Variants in TIMD4 observed in about 807,000 individuals in gnomAD.
The protein encoded by TIMD4 is T-cell immunoglobulin and mucin domain-containing protein 4.
Under a neutral mutation model 41.2 loss-of-function variants are expected in TIMD4, and 31 were observed. The observed-to-expected ratio is 0.75, with a 90% CI of 0.57 to 1.01. The LOEUF (loss-of-function observed/expected upper bound fraction) is 1.01. Ranked by LOEUF, TIMD4 falls within the 50% of genes least tolerant of loss-of-function variation. The pLI is 0.00. For synonymous variants in TIMD4, 204 were observed against 177.1 expected, an observed-to-expected ratio of 1.15 and a Z score of -1.21; for missense variants, 479 against 472.5, an observed-to-expected ratio of 1.01 and a Z score of -0.13.
chr5:156,925,946 C>T (rs951688638), intron 6 of TIMD4, among the ~76,000 whole-genome samples: 1 of 152,236 alleles, frequency 6.6e-6, no homozygotes, highest in African/African-American at 2.4e-5. Context: ...ACTCTGCCAC[C>T]AGGCTGGAGT....
chr5:156,952,886 C>T (rs1229071287), intron 2 of TIMD4, among the ~76,000 whole-genome samples: 3 of 152,224 alleles, frequency 2.0e-5, no homozygotes, highest in Non-Finnish European at 4.4e-5. Context: ...TAAATCAGTG[C>T]ATCAAAAGTG....
At chr5:156,925,219 A>C (rs1227262234) in intron 6 of TIMD4, among the ~76,000 whole-genome samples, 1 of 152,196 alleles carries the variant, frequency 6.6e-6, no homozygotes, top group Non-Finnish European at 1.5e-5. Flanking sequence ...CTGAGGCAGG[A>C]GAATCGCTTG....
intron 1 of TIMD4, 68 bp from the exon 2 acceptor site, chr5:156,954,824 T>C: frequency 7.5e-7 from 1 of 1,324,952 alleles, no homozygotes. Context: ...ACACAGTTTT[T>C]GTGCTAATAG....
At chr5:156,926,119 A>G (rs566589561) in intron 6 of TIMD4, 144 bp downstream of exon 6, 1 of 735,052 alleles carries the variant, frequency 1.4e-6, no homozygotes, top group Non-Finnish European at 2.2e-6. Flanking sequence ...GGCCAGGGTG[A>G]TCTCAAATTT....
At chr5:156,930,231 G>A (rs771247757) in intron 5 of TIMD4, among the ~76,000 whole-genome samples, 1 of 152,144 alleles carries the variant, frequency 6.6e-6, no homozygotes, top group Non-Finnish European at 1.5e-5. Context: ...AAAGTGCTGG[G>A]ATAACAGGCA....
chr5:156,920,528 A>G (rs765686516), intron 7 of TIMD4, 25 bp from the exon 8 acceptor site: 12 of 1,613,300 alleles, frequency 7.4e-6, no homozygotes, highest in Non-Finnish European at 1.0e-5. Context: ...CCACAGTGTG[A>G]GCAGAGTGGC....
At chr5:156,963,027 T>G (rs1032544720) in intron 1 of TIMD4, 114 bp downstream of exon 1, 2 of 1,007,486 alleles carry the variant, frequency 2.0e-6, no homozygotes, top group Admixed American at 3.6e-5. Flanking sequence ...AGGGGAGGGA[T>G]GCAGAAATGA....
intron 6 of TIMD4, among the ~76,000 whole-genome samples, chr5:156,923,703 T>A (rs1003000366): frequency 2.1e-5 from 3 of 141,074 alleles, no homozygotes; most frequent in Non-Finnish European, 4.8e-5. Flanking sequence ...GATGCCTGGC[T>A]ATTTTTTTTT....
At chr5:156,954,368 C>A (rs1307709455) in intron 2 of TIMD4, 47 bp downstream of exon 2, 3 of 1,553,560 alleles carry the variant, frequency 1.9e-6, no homozygotes, top group Non-Finnish European at 1.8e-6. Context: ...TGTCCATTAA[C>A]CACTGAATCT....
intron 1 of TIMD4, among the ~76,000 whole-genome samples, chr5:156,959,165 C>T (rs13167176): frequency 0.028 from 4,274 of 152,198 alleles, 95 homozygotes; most frequent in Non-Finnish European, 0.041. Flanking sequence ...AGGAGTGTTT[C>T]GTGTCACTCA....
intron 5 of TIMD4, among the ~76,000 whole-genome samples, chr5:156,929,072 A>C (rs1490363223): frequency 6.6e-6 from 1 of 152,224 alleles, no homozygotes; most frequent in African/African-American, 2.4e-5. Flanking sequence ...AGATGCTAAA[A>C]GCCCAAATGG....
rs553016004 is a variant in TIMD4, at chr5:156,957,543, A to C, written c.59-2787T>G. ...AAAAAAAGAAAAAAGAAAAAGAAAAAAGTCAATGCAGTGGGAAGTCCATTT... is the reference window on the plus strand; with the variant it reads ...AAAAAAAGAAAAAAGAAAAAGAAAACAGTCAATGCAGTGGGAAGTCCATTT... On this transcript the variant is annotated intron_variant, in intron 1 of 8. Coordinates refer to ENST00000274532, the MANE Select transcript of TIMD4 (RefSeq NM_138379.3). Among the ~76,000 whole-genome samples, 85 of 151,962 alleles carry C rather than the reference A, an allele frequency of 5.6e-4. 1 individual carries two copies. The highest frequency in any genetic ancestry group is 1.0e-3 in the Non-Finnish European group (69 of 67,974).
chr5:156,929,931 A>G (rs569650213), intron 5 of TIMD4, among the ~76,000 whole-genome samples: 1 of 152,338 alleles, frequency 6.6e-6, no homozygotes, highest in African/African-American at 2.4e-5. Context: ...AAAGAGTATA[A>G]ATCTAATGTC....
chr5:156,954,880 T>C, intron 1 of TIMD4, 124 bp from the exon 2 acceptor site: 1 of 881,732 alleles, frequency 1.1e-6, no homozygotes, highest in Non-Finnish European at 1.7e-6. Flanking sequence ...GTTTCTTTTC[T>C]TTCCTTTTTT....
chr5:156,926,152 C>G lies in TIMD4; in HGVS notation c.894+111G>C, dbSNP rs1759343901. The G allele has an allele frequency of 2.7e-6, 3 of 1,094,100 alleles. No homozygotes were observed. The East Asian group carries it at 8.2e-5, about 30-fold the overall frequency. The allele number at this position is 1,094,100 out of a possible 1,614,324, so 67.8% of individuals were successfully genotyped here. ...TTTCTGGCATCAAGTGATCTGCCCA[C>G]CTTGGCCTCCCAAAGTGCTGGGATT... On this transcript the variant is annotated intron_variant, in intron 6 of 8. Coordinates refer to ENST00000274532, the MANE Select transcript of TIMD4 (RefSeq NM_138379.3).
At chr5:156,946,626 G>C (rs13167071) in intron 5 of TIMD4, among the ~76,000 whole-genome samples, 92,270 of 151,246 alleles carry the variant, frequency 0.61, 28,956 homozygotes, top group East Asian at 0.86. Context: ...ACGGGCGCCC[G>C]CCACCACGTC....
intron 5 of TIMD4, among the ~76,000 whole-genome samples, chr5:156,940,082 G>A (rs1348893988): frequency 1.3e-5 from 2 of 152,222 alleles, no homozygotes; most frequent in East Asian, 1.9e-4. Flanking sequence ...TCAGCCTGCT[G>A]AGTGCCTGGG....
chr5:156,953,052 T>G (rs771525879), intron 2 of TIMD4, among the ~76,000 whole-genome samples: 1 of 152,214 alleles, frequency 6.6e-6, no homozygotes, highest in African/African-American at 2.4e-5. Flanking sequence ...ATGCCAAATT[T>G]CCATTGACTC....
intron 6 of TIMD4, among the ~76,000 whole-genome samples, chr5:156,922,433 G>T (rs773163681): frequency 4.6e-5 from 7 of 152,196 alleles, no homozygotes; most frequent in Admixed American, 3.9e-4. Flanking sequence ...GGGCTCAGGG[G>T]TCTGAGGATA....
Sources: gnomAD v4.1 joint callset for allele counts (sites outside exome capture counted in the v4.1 genomes callset) on GRCh38, gnomAD v4.1.1 for gene constraint, MANE v1.5 for transcripts, NCBI Gene and HGNC (gene_info 2026-07-23, HGNC 2026-07-21) for gene names.